Variants in SFI1 observed in about 807,000 individuals in gnomAD.
SFI1 encodes SFI1 centrin binding protein.
In SFI1, 195 loss-of-function variants were observed where a neutral mutation model predicts 207.5. The ratio of observed to expected loss-of-function variants is 0.94; its 90% CI spans 0.84 to 1.06. SFI1 has a LOEUF of 1.06. Among genes scored for constraint, SFI1 ranks in the 50% least tolerant of loss-of-function variants. SFI1 has a pLI of 0.00. For missense variants in SFI1, 1,634 were observed against 1,588.0 expected (o/e 1.03, Z -0.49); for synonymous variants, 630 against 598.9 (o/e 1.05, Z -0.76).
At chr22:31,567,574 G>GT (rs1348220943) in intron 8 of SFI1, among the ~76,000 whole-genome samples, 3 of 151,720 alleles carry the variant, frequency 2.0e-5, no homozygotes, top group Non-Finnish European at 4.4e-5. Context: ...GTGGAGGGGG[G>GT]GGGTGTGTGT....
At chr22:31,552,144 T>G (rs2060684202) in intron 6 of SFI1, among the ~76,000 whole-genome samples, 1 of 152,196 alleles carries the variant, frequency 6.6e-6, no homozygotes, top group Non-Finnish European at 1.5e-5. Context: ...GATTTTCTGT[T>G]TCTGAGTTAG....
intron 2 of SFI1, among the ~76,000 whole-genome samples, chr22:31,515,902 T>G (rs910397800): frequency 2.0e-5 from 3 of 151,946 alleles, no homozygotes; most frequent in African/African-American, 7.3e-5. Flanking sequence ...CATGTCTGGC[T>G]AATTTTTGTA....
chr22:31,569,220 T>G (rs1221566823), intron 8 of SFI1, among the ~76,000 whole-genome samples: 3 of 152,092 alleles, frequency 2.0e-5, no homozygotes, highest in Non-Finnish European at 4.4e-5. Context: ...AAGCCATCAC[T>G]AGGTGAGAGG....
chr22:31,561,340 G>T lies in SFI1; in HGVS notation c.713G>T (p.Arg238Leu), dbSNP rs201980284. Residue 238 changes from arginine to leucine, a missense_variant, in exon 8 of 33, where the codon CGT becomes CTT. Arg to Leu is a moderately radical substitution (Grantham distance 102). Coordinates refer to ENST00000400288, the MANE Select transcript of SFI1 (RefSeq NM_001007467.3). ...CGACTAGGACAGGTCCGTGTGAGCC[G>T]TGCCCTCCATGCCTCTGCTTTGAAG... ...RQRLGQVRVSRALHASALKHR... is the reference protein window; with the variant it reads ...RQRLGQVRVSLALHASALKHR... 6 of 1,613,910 alleles carry T rather than the reference G, an allele frequency of 3.7e-6. No homozygotes were observed. The African/African-American group carries it at 5.3e-5, about 14-fold the overall frequency.
chr22:31,546,895 T>TC lies in SFI1; in HGVS notation c.373_374insC (p.Phe125SerfsTer22), dbSNP rs866843758. ...TGAGCAGCGATTACTACGGAAGGTC[T>TC]TCGAAGAATGGAAAGAGGAGTGGTG... On this transcript the variant is annotated frameshift_variant, in exon 5 of 33. Transcript: ENST00000400288. LOFTEE classifies it high-confidence loss of function. The TC allele has an allele frequency of 1.3e-5, 21 of 1,612,308 alleles. No homozygotes were observed. The African/African-American group carries it at 2.4e-4, about 18-fold the overall frequency.
At chr22:31,530,715 A>G (rs1313408931) in intron 3 of SFI1, 38 of 436,738 alleles carry the variant, frequency 8.7e-5, no homozygotes, top group Non-Finnish European at 3.3e-5. Context: ...CTCTGTTTAC[A>G]TTGGAGAAGG....
rs367579092 is a variant in SFI1 at position 31,594,772 on chromosome 22, A to G, written c.1544+5195A>G. ...CAGGAGGCTGAGGCAGGAGAATGGC[A>G]TGAACCTGGGAGGCGGAGCTTGCAG... is the stretch of plus-strand genomic sequence containing the variant. On this transcript the variant is annotated intron_variant, in intron 15 of 32. Coordinates refer to ENST00000400288, the MANE Select transcript of SFI1 (RefSeq NM_001007467.3). 1.4e-4 allele frequency among the ~76,000 whole-genome samples: 20 copies of G among 142,892 alleles called. No homozygotes were observed. In the East Asian group the frequency reaches 4.1e-3, roughly 29 times the overall value. 93.7% of individuals were successfully genotyped at this position (142,892 alleles called of 152,430 possible). A position where few individuals can be genotyped will look rare whatever the true frequency, so the allele number is the denominator to read the frequency against.
intron 2 of SFI1, among the ~76,000 whole-genome samples, chr22:31,516,059 TC>T (rs1485915491): frequency 6.6e-6 from 1 of 152,174 alleles, no homozygotes; most frequent in East Asian, 1.9e-4. Flanking sequence ...AAGTACATAT[TC>T]AAGTCTTATT....
At chr22:31,563,303 T>G (rs1310390743) in intron 8 of SFI1, among the ~76,000 whole-genome samples, 1 of 151,962 alleles carries the variant, frequency 6.6e-6, no homozygotes, top group Admixed American at 6.6e-5. Flanking sequence ...TGCATCATTA[T>G]CATAATCACC....
intron 9 of SFI1, among the ~76,000 whole-genome samples, chr22:31,574,854 C>G (rs1603052726): frequency 2.0e-5 from 3 of 151,912 alleles, no homozygotes; most frequent in Admixed American, 2.0e-4. Flanking sequence ...GTCAGGAGTT[C>G]GAGACCAGCT....
chr22:31,514,258 C>T (rs2056130774), intron 2 of SFI1, among the ~76,000 whole-genome samples: 1 of 151,606 alleles, frequency 6.6e-6, no homozygotes, highest in Non-Finnish European at 1.5e-5. Context: ...GTAATCCCAG[C>T]ACTTTGGGAG....
chr22:31,537,703 A>T (rs1437197303), intron 4 of SFI1, among the ~76,000 whole-genome samples: 1 of 152,180 alleles, frequency 6.6e-6, no homozygotes, highest in Non-Finnish European at 1.5e-5. Flanking sequence ...TAGAATTCTG[A>T]TACTGTGTTT....
intron 14 of SFI1, chr22:31,587,197 T>G (rs531027923): frequency 5.8e-6 from 1 of 173,634 alleles, no homozygotes; most frequent in Non-Finnish European, 1.3e-5. Context: ...ATAAACAATA[T>G]AGCATAACAA....
chr22:31,613,614 C>T lies in SFI1; in HGVS notation c.2755C>T (p.Leu919Phe). 6.3e-7 allele frequency: 1 copy of T among 1,583,146 alleles called. No homozygotes were observed. Among genetic ancestry groups the T allele is most frequent in the Non-Finnish European group, 8.6e-7 (1 of 1,161,656 alleles). The stretch of plus-strand genomic sequence containing the variant: ...GGCTGTGTTGTAGGCGGCTCACAGT[C>T]TCCATCGTGCCGTCCGCCGCTGTGC... ...AQQQVQAAHSLHRAVRRCATL... is the reference protein window; with the variant it reads ...AQQQVQAAHSFHRAVRRCATL... The change falls in exon 27 of 33, where the codon CTC becomes TTC. Residue 919 changes from leucine (L) to phenylalanine (F), a missense_variant. Coordinates refer to ENST00000400288, the MANE Select transcript of SFI1 (RefSeq NM_001007467.3).
intron 2 of SFI1, among the ~76,000 whole-genome samples, chr22:31,517,487 A>G (rs769949576): frequency 6.6e-6 from 1 of 151,752 alleles, no homozygotes; most frequent in East Asian, 1.9e-4. Context: ...GGCTCAAGCA[A>G]TTCGCCTGCC....
chr22:31,589,426 T>A (rs778874386), intron 14 of SFI1, 21 bp from the exon 15 acceptor site: 1 of 1,564,524 alleles, frequency 6.4e-7, no homozygotes, highest in Non-Finnish European at 8.6e-7. Context: ...AGTACAAAGG[T>A]TATTCATTCT....
At chr22:31,519,273 ATTT>A (rs201811890) in intron 2 of SFI1, among the ~76,000 whole-genome samples, 5 of 132,176 alleles carry the variant, frequency 3.8e-5, no homozygotes, top group Non-Finnish European at 3.2e-5. Context: ...TTTATTTTCC[ATTT>A]TTTTTTTTTT....
At chr22:31,576,880 G>A (rs1185379369) in intron 10 of SFI1, among the ~76,000 whole-genome samples, 1 of 152,006 alleles carries the variant, frequency 6.6e-6, no homozygotes, top group Non-Finnish European at 1.5e-5. Flanking sequence ...GACGACCTCA[G>A]GTGATCTGCC....
At chr22:31,537,542 C>G (rs1324615035) in intron 4 of SFI1, among the ~76,000 whole-genome samples, 1 of 152,142 alleles carries the variant, frequency 6.6e-6, no homozygotes, top group African/African-American at 2.4e-5. Context: ...GGAAAGAATA[C>G]TGGACTAGAA....
Sources: allele counts gnomAD v4.1 joint callset (sites outside exome capture counted in the v4.1 genomes callset), GRCh38; gene constraint gnomAD v4.1.1; transcripts MANE v1.5; gene names NCBI Gene and HGNC (gene_info 2026-07-23, HGNC 2026-07-21).